STK33: variants seen among roughly 807,000 people sequenced by gnomAD.
STK33 encodes the protein serine/threonine-protein kinase 33.
A neutral mutation model predicts 58.0 loss-of-function variants in STK33; 52 were observed. The ratio of observed to expected loss-of-function variants is 0.90; its 90% CI spans 0.72 to 1.13. The LOEUF (loss-of-function observed/expected upper bound fraction) is 1.13, where lower values mean the gene tolerates loss of function less well. Among genes scored for constraint, STK33 ranks in the 50% most tolerant of loss-of-function variants. The probability of loss-of-function intolerance (pLI) is 0.00; values close to 1 mark genes in which losing one functional copy is unlikely to be tolerated. For missense variants in STK33, 630 were observed against 604.2 expected (o/e 1.04, Z -0.45); for synonymous variants, 215 against 200.1 (o/e 1.07, Z -0.63).
chr11:8,424,163 G>A (rs6578965), intron 14 of STK33, among the ~76,000 whole-genome samples: 80,343 of 128,200 alleles, frequency 0.63, 23,610 homozygotes, highest in South Asian at 0.75. Flanking sequence ...AACAGGCCCC[G>A]GTGTGTGATG....
intron 12 of STK33, among the ~76,000 whole-genome samples, chr11:8,438,127 A>C (rs1026867909): frequency 6.6e-6 from 1 of 152,194 alleles, no homozygotes; most frequent in Non-Finnish European, 1.5e-5. Flanking sequence ...CTAGCATGCA[A>C]CTATAGCTTA....
chr11:8,501,446 A>G (rs1951507637), intron 1 of STK33, among the ~76,000 whole-genome samples: 1 of 152,210 alleles, frequency 6.6e-6, no homozygotes, highest in Non-Finnish European at 1.5e-5. Context: ...GTTCAGCATC[A>G]TTAGTTATCA....
intron 1 of STK33, among the ~76,000 whole-genome samples, chr11:8,505,628 C>T (rs778955328): frequency 4.6e-5 from 7 of 152,206 alleles, no homozygotes; most frequent in African/African-American, 1.2e-4. Context: ...TCCTACACAG[C>T]GTTAGTCACA....
chr11:8,567,887 A>C (rs1316084984), intron 1 of STK33, among the ~76,000 whole-genome samples: 2 of 152,216 alleles, frequency 1.3e-5, no homozygotes, highest in East Asian at 1.9e-4. Flanking sequence ...CTTTGGGCTT[A>C]TATTACAAGA....
chr11:8,470,683 G>A lies in STK33; in HGVS notation c.339+2480C>T, dbSNP rs987600903. Among the ~76,000 whole-genome samples the A allele has an allele frequency of 1.3e-5, 2 of 152,064 alleles. 1 individual carries two copies. The highest frequency in any genetic ancestry group is 4.1e-4 in the South Asian group (2 of 4,824). ...TCTTCCTTTCACTTAAAACACTGCA[G>A]GGTTATTAATTGTCCTAATTTTAAT... is the stretch of plus-strand genomic sequence containing the variant. On this transcript the variant is annotated intron_variant, in intron 6 of 15. Transcript: ENST00000687296.
chr11:8,421,786 C>A (rs1215888104), intron 14 of STK33, among the ~76,000 whole-genome samples: 2 of 152,012 alleles, frequency 1.3e-5, no homozygotes, highest in Non-Finnish European at 2.9e-5. Context: ...TCTTATAAAT[C>A]TTATGTCATG....
chr11:8,493,551 G>A (rs991801493), intron 1 of STK33, among the ~76,000 whole-genome samples: 3 of 152,112 alleles, frequency 2.0e-5, no homozygotes, highest in East Asian at 1.9e-4. Flanking sequence ...CTTCTGAAAC[G>A]ATTTCAATCA....
At chr11:8,505,552 G>C (rs368634960) in intron 1 of STK33, among the ~76,000 whole-genome samples, 3 of 152,080 alleles carry the variant, frequency 2.0e-5, no homozygotes, top group Non-Finnish European at 2.9e-5. Flanking sequence ...TTCCAAGAAG[G>C]CTTCCCTAAC....
chr11:8,419,523 C>T lies in STK33; in HGVS notation c.1147-5831G>A, dbSNP rs566667070. On this transcript the variant is annotated intron_variant, in intron 14 of 15. Transcript: ENST00000687296. Reference sequence around the variant, plus strand: ...TTTGAAGTTGGGTAGCATGATGCCTCCAGCTTTGTTCTTTTTGCTTCGGAT... The same window carrying T: ...TTTGAAGTTGGGTAGCATGATGCCTTCAGCTTTGTTCTTTTTGCTTCGGAT... Among the ~76,000 whole-genome samples the T allele has an allele frequency of 2.3e-4, 35 of 152,222 alleles. 1 individual carries two copies. The highest frequency in any genetic ancestry group is 7.7e-4 in the African/African-American group (32 of 41,528).
In STK33 at chr11:8,518,521, T is replaced by C. The variant is rs191446126; in HGVS notation, c.-465-37907A>G. On this transcript the variant is annotated intron_variant, in intron 1 of 15. Coordinates refer to ENST00000687296, the MANE Select transcript of STK33 (RefSeq NM_001352389.2). ...TAACCTTAAATGTAAATGGGCTAAA[T>C]GCCCCAATTGAAAGACACAGACTGG... Among the ~76,000 whole-genome samples, 619 of 152,310 alleles carry C rather than the reference T, an allele frequency of 4.1e-3. 5 individuals are homozygous for C. Among genetic ancestry groups the C allele is most frequent in the African/African-American group, 0.014 (592 of 41,554 alleles).
rs1554989773 is a variant in STK33 at position 8,540,992 on chromosome 11, C to CTATA, written c.-466+53090_-466+53091insTATA. On this transcript the variant is annotated intron_variant, in intron 1 of 15. Transcript: ENST00000687296. ...TCTCTCTCTCTCTCTCTCTCTCTCT[C>CTATA]TCTATATATATATATATATATCTCA... Among the ~76,000 whole-genome samples, 206 of 137,698 alleles carry CTATA rather than the reference C, an allele frequency of 1.5e-3. 1 individual carries two copies. Among genetic ancestry groups the CTATA allele is most frequent in the African/African-American group, 3.6e-3 (132 of 37,144 alleles). 90.3% of individuals were successfully genotyped at this position (137,698 alleles called of 152,430 possible). A position where few individuals can be genotyped will look rare whatever the true frequency, so the allele number is the denominator to read the frequency against.
At chr11:8,462,398 T>C (rs1947634849) in intron 7 of STK33, among the ~76,000 whole-genome samples, 2 of 121,592 alleles carry the variant, frequency 1.6e-5, no homozygotes, top group Non-Finnish European at 3.6e-5. Flanking sequence ...TATATATATA[T>C]ATACATATAT....
intron 1 of STK33, among the ~76,000 whole-genome samples, chr11:8,592,410 T>C (rs1197461605): frequency 6.6e-6 from 1 of 152,214 alleles, no homozygotes; most frequent in Non-Finnish European, 1.5e-5. Flanking sequence ...AGATGTGAGT[T>C]AAAATAAGGA....
chr11:8,525,540 A>G (rs1953950014), intron 1 of STK33, among the ~76,000 whole-genome samples: 1 of 152,220 alleles, frequency 6.6e-6, no homozygotes, highest in Non-Finnish European at 1.5e-5. Flanking sequence ...AAAATTACAT[A>G]TTCATATGAA....
At chr11:8,520,549 A>C (rs1402841098) in intron 1 of STK33, among the ~76,000 whole-genome samples, 4 of 152,220 alleles carry the variant, frequency 2.6e-5, no homozygotes, top group African/African-American at 9.7e-5. Context: ...AGAGGAAGTC[A>C]AACTGTCCCT....
chr11:8,557,314 G>A, intron 1 of STK33, among the ~76,000 whole-genome samples: 1 of 132,382 alleles, frequency 7.6e-6, no homozygotes, highest in Admixed American at 7.8e-5. Context: ...GGGAGGAGGA[G>A]GAGAAAAGAA....
intron 1 of STK33, among the ~76,000 whole-genome samples, chr11:8,567,080 C>T (rs573561157): frequency 6.6e-6 from 1 of 152,158 alleles, no homozygotes; most frequent in African/African-American, 2.4e-5. Flanking sequence ...GTAGAGGTTG[C>T]AGTGATCCAA....
rs538804998 is a variant in STK33 at position 8,476,982 on chromosome 11, A to G, written c.-226-231T>C. Reference sequence around the variant, plus strand: ...ATTATAAGATTATTAAATAGAATAGATAAGTCTGCCCAATAAATATGACCT... The same window carrying G: ...ATTATAAGATTATTAAATAGAATAGGTAAGTCTGCCCAATAAATATGACCT... On this transcript the variant is annotated intron_variant, in intron 3 of 15. Coordinates refer to ENST00000687296, the MANE Select transcript of STK33 (RefSeq NM_001352389.2). Among the ~76,000 whole-genome samples the G allele has an allele frequency of 5.6e-4, 86 of 152,320 alleles. 1 individual carries two copies. Among genetic ancestry groups the G allele is most frequent in the Non-Finnish European group, 1.1e-3 (74 of 68,036 alleles).
intron 7 of STK33, among the ~76,000 whole-genome samples, chr11:8,462,691 T>C (rs951244510): frequency 6.6e-6 from 1 of 152,008 alleles, no homozygotes; most frequent in African/African-American, 2.4e-5. Context: ...ACACTCACCA[T>C]GCAGATAGCA....
Sources: allele counts gnomAD v4.1 joint callset (sites outside exome capture counted in the v4.1 genomes callset), GRCh38; gene constraint gnomAD v4.1.1; transcripts MANE v1.5; gene names NCBI Gene and HGNC (gene_info 2026-07-23, HGNC 2026-07-21).